Variants in GLIS3 observed in about 807,000 individuals in gnomAD.
The protein encoded by GLIS3 is zinc finger protein GLIS3.
GLIS3 carries 53 observed loss-of-function variants against 78.6 expected under a neutral mutation model. That is an observed-to-expected ratio of 0.67 (90% CI 0.54 to 0.85). The LOEUF (loss-of-function observed/expected upper bound fraction) is 0.85. GLIS3 is among the 40% of genes least tolerant of loss of function. The pLI is 0.00. For missense variants in GLIS3, 1,703 were observed against 1,231.1 expected, an observed-to-expected ratio of 1.38 and a Z score of -5.74; for synonymous variants, 684 against 509.9, an observed-to-expected ratio of 1.34 and a Z score of -4.60.
intron 6 of GLIS3, among the ~76,000 whole-genome samples, chr9:3,931,129 G>T (rs1825584271): frequency 6.6e-6 from 1 of 152,052 alleles, no homozygotes; most frequent in Admixed American, 6.5e-5. Context: ...GGAAAAAAAT[G>T]ATTTTAACAA....
chr9:4,031,312 A>G (rs1368975135), intron 4 of GLIS3, among the ~76,000 whole-genome samples: 1 of 152,234 alleles, frequency 6.6e-6, no homozygotes, highest in Non-Finnish European at 1.5e-5. Flanking sequence ...GCTATAAAAA[A>G]TGAATGAGGC....
the GLIS3 span, among the ~76,000 whole-genome samples, chr9:4,358,587 C>G: frequency 6.6e-6 from 1 of 152,126 alleles, no homozygotes; most frequent in Non-Finnish European, 1.5e-5. Context: ...AAAATATTGG[C>G]CTTCGTAATC....
the GLIS3 span, among the ~76,000 whole-genome samples, chr9:4,379,140 G>A: frequency 6.6e-6 from 1 of 152,116 alleles, no homozygotes; most frequent in Non-Finnish European, 1.5e-5. Context: ...CGGATATGTT[G>A]TCCAGCGCCC....
chr9:4,454,807 G>C, the GLIS3 span, among the ~76,000 whole-genome samples: 5 of 152,134 alleles, frequency 3.3e-5, no homozygotes, highest in South Asian at 2.1e-4. Context: ...ACATATAGTT[G>C]GAGGTGATAC....
At chr9:4,462,594 A>AACACACACACACACAC in the GLIS3 span, among the ~76,000 whole-genome samples, 6 of 145,094 alleles carry the variant, frequency 4.1e-5, no homozygotes, top group South Asian at 4.5e-4. Context: ...CCATCTCTAT[A>AACACACACACACACAC]ACACACACAC....
At chr9:4,424,247 G>C in the GLIS3 span, among the ~76,000 whole-genome samples, 2 of 152,272 alleles carry the variant, frequency 1.3e-5, no homozygotes, top group Middle Eastern at 6.8e-3. Context: ...CTCTGCCCCT[G>C]ATTTTCTTCA....
At position 4,117,949 on chromosome 9, in the gene GLIS3, A is replaced by C. The variant is rs1391336734; in HGVS notation, c.1529T>G (p.Leu510Arg). 6.2e-7 allele frequency: 1 copy of C among 1,614,048 alleles called. No homozygotes were observed. ...CACGAGCTCCTCCTGCTGGTCGTAC[A>C]GGGCGCTGCAGTCGATCCAGCGGCA... Reference protein sequence around the residue: ...HCCRWIDCSALYDQQEELVRH... With the variant: ...HCCRWIDCSARYDQQEELVRH... Residue 510 changes from leucine (L) to arginine (R), a missense_variant, in exon 4 of 11, where the codon CTG becomes CGG. Leu to Arg is a moderately radical substitution (Grantham distance 102). Transcript: ENST00000381971.
chr9:4,055,413 C>T (rs1187377628), intron 4 of GLIS3, among the ~76,000 whole-genome samples: 1 of 152,186 alleles, frequency 6.6e-6, no homozygotes. Context: ...CTTTACTGAA[C>T]TCTTTCCATA....
At chr9:4,245,406 T>C (rs1458482804) in intron 2 of GLIS3, among the ~76,000 whole-genome samples, 6 of 152,192 alleles carry the variant, frequency 3.9e-5, no homozygotes, top group African/African-American at 1.4e-4. Context: ...ATTTCAATTA[T>C]AAGCAATTTT....
At chr9:3,917,139 GA>G (rs1824565191) in intron 6 of GLIS3, among the ~76,000 whole-genome samples, 1 of 152,182 alleles carries the variant, frequency 6.6e-6, no homozygotes, top group South Asian at 2.1e-4. Context: ...TTCCAAATTG[GA>G]AATACTAGCC....
intron 4 of GLIS3, among the ~76,000 whole-genome samples, chr9:3,991,571 A>G (rs973688562): frequency 6.6e-6 from 1 of 152,072 alleles, no homozygotes; most frequent in African/African-American, 2.4e-5. Context: ...TAATCGATGG[A>G]ACTATTGATA....
chr9:4,173,563 C>A (rs1185329860), intron 2 of GLIS3, among the ~76,000 whole-genome samples: 5 of 386 alleles, frequency 0.013, no homozygotes, highest in African/African-American at 0.016. Context: ...TGTATAGATA[C>A]ACACACACAC....
chr9:4,212,359 C>T (rs34382833), intron 2 of GLIS3, among the ~76,000 whole-genome samples: 17 of 152,182 alleles, frequency 1.1e-4, no homozygotes, highest in African/African-American at 2.7e-4. Flanking sequence ...GGATCAATCA[C>T]GAAACCCATT....
At chr9:3,839,306 G>T (rs965196524) in intron 9 of GLIS3, among the ~76,000 whole-genome samples, 1 of 152,132 alleles carries the variant, frequency 6.6e-6, no homozygotes, top group Non-Finnish European at 1.5e-5. Flanking sequence ...TGTGGATGGA[G>T]CCTTTGTATT....
At chr9:4,412,635 T>C in the GLIS3 span, among the ~76,000 whole-genome samples, 1 of 152,324 alleles carries the variant, frequency 6.6e-6, no homozygotes, top group South Asian at 2.1e-4. Flanking sequence ...TAAATTCTGA[T>C]AATTGTAAAA....
chr9:4,211,468 C>A (rs1166877964), intron 2 of GLIS3, among the ~76,000 whole-genome samples: 1 of 152,218 alleles, frequency 6.6e-6, no homozygotes, highest in African/African-American at 2.4e-5. Flanking sequence ...GAAAGAGACA[C>A]TGTGTTACTA....
chr9:4,056,682 T>G (rs1297610681), intron 4 of GLIS3, among the ~76,000 whole-genome samples: 8 of 151,984 alleles, frequency 5.3e-5, no homozygotes, highest in Non-Finnish European at 8.8e-5. Flanking sequence ...CAGACACACA[T>G]GCACGTGTGC....
intron 2 of GLIS3, among the ~76,000 whole-genome samples, chr9:4,250,738 T>G (rs191378689): frequency 5.9e-5 from 9 of 152,340 alleles, no homozygotes; most frequent in African/African-American, 2.2e-4. Context: ...CACCTTCTTT[T>G]GTGGGCATTT....
chr9:4,024,099 C>T lies in GLIS3; in HGVS notation c.1711-86910G>A, dbSNP rs558816065. 3.2e-4 allele frequency among the ~76,000 whole-genome samples: 48 copies of T among 152,164 alleles called. 1 individual carries two copies. The highest frequency in any genetic ancestry group is 2.7e-3 in the Admixed American group (41 of 15,284). The stretch of plus-strand genomic sequence containing the variant: ...TGAGAGGCAGAGTTGTATAGTGCTG[C>T]TTAGTCCATGAAAGTTAATTTTTCC... On this transcript the variant is annotated intron_variant, in intron 4 of 10. Transcript: ENST00000381971.
Sources: allele counts gnomAD v4.1 joint callset (sites outside exome capture counted in the v4.1 genomes callset), GRCh38; gene constraint gnomAD v4.1.1; transcripts MANE v1.5; gene names NCBI Gene and HGNC (gene_info 2026-07-23, HGNC 2026-07-21).